ADSS1: variants seen among roughly 807,000 people sequenced by gnomAD.
ADSS1 encodes adenylosuccinate synthetase isozyme 1.
Under a neutral mutation model 59.1 loss-of-function variants are expected in ADSS1, and 57 were observed. That is an observed-to-expected ratio of 0.97 (90% CI 0.78 to 1.20). The LOEUF (loss-of-function observed/expected upper bound fraction) is 1.20, where lower values mean the gene tolerates loss of function less well. ADSS1 is among the 50% of genes most tolerant of loss of function. The pLI is 0.00. For synonymous variants in ADSS1, 247 were observed against 249.4 expected (o/e 0.99, Z 0.09); for missense variants, 603 against 610.3 (o/e 0.99, Z 0.13).
chr14:104,735,178 AGGAGCCCCACGCATGGGGGCACGGGG>A, intron 2 of ADSS1, 56 bp downstream of exon 2: 1 of 1,507,092 alleles, frequency 6.6e-7, no homozygotes, highest in Non-Finnish European at 9.1e-7. Flanking sequence ...CAGCCAGCCC[AGGAGCCCCACGCATGGGGGCACGGGG>A]CACCAGAGCC....
rs1891374026 is a variant in ADSS1, at chr14:104,741,907, G to A, written c.853G>A (p.Gly285Ser). The A allele has an allele frequency of 1.9e-6, 3 of 1,613,500 alleles. No homozygotes were observed. Among genetic ancestry groups the A allele is most frequent in the Non-Finnish European group, 2.5e-6 (3 of 1,180,006 alleles). ...CGTGGGCGGTGTGTGCACGGGCCTG[G>A]GCATCCCCCCGCAGAACATAGGTGA... ...CTVGGVCTGL[G>S]IPPQNIGDVY... is the part of the protein sequence containing the mutation. The change falls in exon 9 of 13, where the codon GGC (glycine) becomes AGC (serine). Residue 285 changes from glycine to serine, a missense_variant. Gly to Ser is a moderately conservative substitution (Grantham distance 56). Coordinates refer to ENST00000330877, the MANE Select transcript of ADSS1 (RefSeq NM_152328.5).
At chr14:104,733,212 C>T (rs1014662518) in intron 1 of ADSS1, among the ~76,000 whole-genome samples, 1 of 152,310 alleles carries the variant, frequency 6.6e-6, no homozygotes, top group African/African-American at 2.4e-5. Flanking sequence ...CCCAGTTCAC[C>T]CAGCACCGCC....
intron 1 of ADSS1, among the ~76,000 whole-genome samples, chr14:104,730,527 GTATTT>G (rs1890883223): frequency 6.6e-6 from 1 of 152,160 alleles, no homozygotes; most frequent in Admixed American, 6.5e-5. Context: ...TCCAGGCTGT[GTATTT>G]TGTTTTGGCA....
chr14:104,744,571 T>A lies in ADSS1; in HGVS notation c.1074-241T>A, dbSNP rs950753452. 5.5e-6 allele frequency: 3 copies of A among 544,794 alleles called. No homozygotes were observed. In the Admixed American group the frequency reaches 9.5e-5, roughly 17 times the overall value. 33.7% of individuals were successfully genotyped at this position (544,794 alleles called of 1,614,324 possible). On this transcript the variant is annotated intron_variant, in intron 10 of 12. Coordinates refer to ENST00000330877, the MANE Select transcript of ADSS1 (RefSeq NM_152328.5). ...CTCGCATGCACAGTTCACAATAGGG[T>A]TCAGGCTCCTGTGAGAATTGAATGA... is the stretch of plus-strand genomic sequence containing the variant.
At chr14:104,733,426 C>A (rs547350734) in intron 1 of ADSS1, among the ~76,000 whole-genome samples, 10 of 152,332 alleles carry the variant, frequency 6.6e-5, no homozygotes, top group African/African-American at 1.4e-4. Flanking sequence ...ATCTGCCCCC[C>A]CTCTGTCCCC....
chr14:104,734,556 G>T (rs1176278488), intron 1 of ADSS1, among the ~76,000 whole-genome samples: 5 of 152,264 alleles, frequency 3.3e-5, no homozygotes, highest in Admixed American at 2.0e-4. Flanking sequence ...CCAGAACAGG[G>T]CTGGCTCAGA....
intron 8 of ADSS1, among the ~76,000 whole-genome samples, chr14:104,741,531 T>C (rs1891355081): frequency 6.6e-6 from 1 of 152,048 alleles, no homozygotes; most frequent in African/African-American, 2.4e-5. Flanking sequence ...CTTCCGATGG[T>C]CTGTACAGCC....
intron 9 of ADSS1, 128 bp downstream of exon 9, chr14:104,742,130 C>A: frequency 7.4e-7 from 1 of 1,356,776 alleles, no homozygotes; most frequent in African/African-American, 1.4e-5. Flanking sequence ...CCATCTCCCA[C>A]CAGGGCGCTT....
chr14:104,727,471 TGA>T (rs1323446197), intron 1 of ADSS1, among the ~76,000 whole-genome samples: 1 of 152,140 alleles, frequency 6.6e-6, no homozygotes, highest in Non-Finnish European at 1.5e-5. Flanking sequence ...CCCTCCAGGC[TGA>T]GTCTCCTCTG....
chr14:104,739,814 G>T lies in ADSS1; in HGVS notation c.474G>T (p.Lys158Asn). 6.2e-7 allele frequency: 1 copy of T among 1,613,866 alleles called. No homozygotes were observed. The highest frequency in any genetic ancestry group is 8.5e-7 in the Non-Finnish European group (1 of 1,179,994). ...TGCAGCGCCAGGCACAAGAGGGGAA[G>T]AAGTAAGTCTGCCGGGACACTCTCA... Reference protein sequence around the residue: ...QEVQRQAQEGKNIGTTKKGIG... With the variant: ...QEVQRQAQEGNNIGTTKKGIG... The change falls in exon 5 of 13, where the codon AAG becomes AAT. Residue 158 changes from lysine (K) to asparagine (N), a missense_variant and splice_region_variant. By Grantham distance (94) the Lys-to-Asn change is moderately conservative. Coordinates refer to ENST00000330877, the MANE Select transcript of ADSS1 (RefSeq NM_152328.5).
chr14:104,737,869 T>C (rs1210202631), intron 2 of ADSS1: 1 of 153,710 alleles, frequency 6.5e-6, no homozygotes, highest in African/African-American at 2.4e-5. Flanking sequence ...CTGAATACTC[T>C]TCCATCGTAT....
intron 1 of ADSS1, among the ~76,000 whole-genome samples, chr14:104,728,752 C>G (rs1890792940): frequency 6.6e-6 from 1 of 152,344 alleles, no homozygotes; most frequent in Non-Finnish European, 1.5e-5. Flanking sequence ...GCTGCCTTCA[C>G]TGCCTGGCGT....
At chr14:104,730,867 G>A (rs1890900319) in intron 1 of ADSS1, among the ~76,000 whole-genome samples, 2 of 150,730 alleles carry the variant, frequency 1.3e-5, no homozygotes, top group Admixed American at 1.3e-4. Flanking sequence ...GATGGAGAGA[G>A]CCTCTTTTCC....
In ADSS1 at chr14:104,741,862, G is replaced by A. The variant is rs1169317534; in HGVS notation, c.808G>A (p.Val270Met). The A allele has an allele frequency of 2.5e-6, 4 of 1,613,336 alleles. No homozygotes were observed. Among genetic ancestry groups the A allele is most frequent in the South Asian group, 1.1e-5 (1 of 91,090 alleles). The stretch of plus-strand genomic sequence containing the variant: ...CTGTCTTGCAGGGACCTACCCCTTT[G>A]TGACTTCATCCAACTGCACCGTGGG... Reference protein sequence around the residue: ...LDIDFGTYPFVTSSNCTVGGV... With the variant: ...LDIDFGTYPFMTSSNCTVGGV... Residue 270 changes from valine (V) to methionine (M), a missense_variant, in exon 9 of 13, where the codon GTG becomes ATG. Coordinates refer to ENST00000330877, the MANE Select transcript of ADSS1 (RefSeq NM_152328.5).
At chr14:104,742,506 C>T (rs1474148648) in intron 9 of ADSS1, among the ~76,000 whole-genome samples, 1 of 152,240 alleles carries the variant, frequency 6.6e-6, no homozygotes, top group African/African-American at 2.4e-5. Flanking sequence ...TGCTGTGGCC[C>T]CAGAATCCTC....
intron 12 of ADSS1, among the ~76,000 whole-genome samples, 175 bp downstream of exon 12, chr14:104,746,560 G>A (rs1891567009): frequency 6.6e-6 from 1 of 152,238 alleles, no homozygotes; most frequent in African/African-American, 2.4e-5. Context: ...CTCCGGGCTA[G>A]GGTGTGGGTG....
At chr14:104,733,151 C>T (rs1180715650) in intron 1 of ADSS1, among the ~76,000 whole-genome samples, 1 of 152,184 alleles carries the variant, frequency 6.6e-6, no homozygotes, top group Non-Finnish European at 1.5e-5. Context: ...TCAGACCACC[C>T]TCCCTCCTGC....
intron 1 of ADSS1, among the ~76,000 whole-genome samples, chr14:104,725,576 A>G (rs1265259333): frequency 1.3e-5 from 2 of 152,188 alleles, no homozygotes; most frequent in Non-Finnish European, 2.9e-5. Context: ...TCTTCCTGGA[A>G]CAGTGGGGGA....
rs1447154468 is a variant in ADSS1, at chr14:104,746,191, T to C, written c.1172-45T>C. The C allele has an allele frequency of 3.6e-5, 57 of 1,563,388 alleles. No individual in the cohort carries two copies. The East Asian group carries it at 1.1e-3, about 30-fold the overall frequency. On this transcript the variant is annotated intron_variant, in intron 11 of 12. Coordinates refer to ENST00000330877, the MANE Select transcript of ADSS1 (RefSeq NM_152328.5). ...CACCAAATATCCGCTTCCCTGGTGA[T>C]AGGAGGTCTGTGGGCCCCACTCATC... is the stretch of plus-strand genomic sequence containing the variant.
Sources: gnomAD v4.1 joint callset for allele counts (sites outside exome capture counted in the v4.1 genomes callset) on GRCh38, gnomAD v4.1.1 for gene constraint, MANE v1.5 for transcripts, NCBI Gene and HGNC (gene_info 2026-07-23, HGNC 2026-07-21) for gene names.